Variants in TACC1 observed in about 807,000 individuals in gnomAD.
The protein encoded by TACC1 is transforming acidic coiled-coil-containing protein 1.
In TACC1, 48 loss-of-function variants were observed where a neutral mutation model predicts 84.4. The ratio of observed to expected loss-of-function variants is 0.57; its 90% confidence interval spans 0.45 to 0.72. TACC1 has a LOEUF of 0.72. Ranked by LOEUF, TACC1 falls within the 30% of genes least tolerant of loss-of-function variation. The pLI is 0.00. For synonymous variants in TACC1, 372 were observed against 376.3 expected (o/e 0.99, Z 0.13); for missense variants, 920 against 973.0 (o/e 0.95, Z 0.72).
chr8:38,816,685 G>A (rs1178691986), intron 2 of TACC1, among the ~76,000 whole-genome samples: 1 of 152,150 alleles, frequency 6.6e-6, no homozygotes, highest in Admixed American at 6.5e-5. Flanking sequence ...CATAGGGCAA[G>A]GTATCCCCAT....
At chr8:38,796,307 T>C (rs1392908502) in intron 2 of TACC1, among the ~76,000 whole-genome samples, 1 of 152,244 alleles carries the variant, frequency 6.6e-6, no homozygotes, top group Non-Finnish European at 1.5e-5. Flanking sequence ...GAACATATTA[T>C]ACAGCTTTTC....
At chr8:38,786,591 A>G (rs896948930), upstream of TACC1, among the ~76,000 whole-genome samples, 1 of 152,158 alleles carries the variant, frequency 6.6e-6, no homozygotes, top group South Asian at 2.1e-4. Context: ...GTAATCTCAC[A>G]GGGAATTTAG....
At chr8:38,821,021 C>T (rs965088506) in intron 3 of TACC1, among the ~76,000 whole-genome samples, 1 of 152,066 alleles carries the variant, frequency 6.6e-6, no homozygotes, top group African/African-American at 2.4e-5. Flanking sequence ...GTCTGACCAA[C>T]ATGGTGAAAC....
At chr8:38,755,282 T>A (rs1809791321) in intron 3 of TACC1, among the ~76,000 whole-genome samples, 1 of 152,092 alleles carries the variant, frequency 6.6e-6, no homozygotes, top group Non-Finnish European at 1.5e-5. Flanking sequence ...GCTTCAAGAA[T>A]GAAGTTAATG....
intron 2 of TACC1, among the ~76,000 whole-genome samples, chr8:38,743,349 A>G (rs1277475470): frequency 6.6e-6 from 1 of 152,362 alleles, no homozygotes; most frequent in East Asian, 1.9e-4. Context: ...TTGAGGAGGA[A>G]GAGAAAGGAA....
chr8:38,836,752 T>A (rs999619133), intron 7 of TACC1, among the ~76,000 whole-genome samples: 1 of 152,202 alleles, frequency 6.6e-6, no homozygotes, highest in African/African-American at 2.4e-5. Context: ...TCAAAATAGA[T>A]CACTGCTAGG....
At chr8:38,809,499 G>A (rs1823567024) in intron 2 of TACC1, among the ~76,000 whole-genome samples, 2 of 152,112 alleles carry the variant, frequency 1.3e-5, no homozygotes, top group Admixed American at 1.3e-4. Context: ...ACCCCCTTTT[G>A]AGAATCTCAG....
intron 2 of TACC1, among the ~76,000 whole-genome samples, chr8:38,798,606 CGTGTGTGTGTGT>C (rs10631964): frequency 5.6e-5 from 8 of 143,394 alleles, no homozygotes; most frequent in African/African-American, 1.8e-4. Context: ...CTGGGTTCTG[CGTGTGTGTGTGT>C]GTGTGTGTGT....
intron 11 of TACC1, among the ~76,000 whole-genome samples, chr8:38,844,205 C>T (rs140905761): frequency 5.1e-4 from 78 of 152,144 alleles, no homozygotes; most frequent in African/African-American, 1.8e-3. Context: ...CGGAGTTTCT[C>T]TCTGTCACCC....
intron 2 of TACC1, among the ~76,000 whole-genome samples, chr8:38,811,743 A>G (rs752761970): frequency 6.6e-6 from 1 of 152,246 alleles, no homozygotes; most frequent in Non-Finnish European, 1.5e-5. Flanking sequence ...GTGTTTAAAC[A>G]ATATGAAATC....
At chr8:38,757,739 C>G (rs1810392424) in intron 3 of TACC1, among the ~76,000 whole-genome samples, 1 of 152,122 alleles carries the variant, frequency 6.6e-6, no homozygotes, top group Admixed American at 6.5e-5. Flanking sequence ...AGCTCTGAAA[C>G]ATTCACAAGA....
intron 8 of TACC1, chr8:38,839,368 A>C (rs1563942178): frequency 1.3e-5 from 5 of 395,030 alleles, no homozygotes. Context: ...AGATGAAATC[A>C]AAGTAGAGAA....
chr8:38,778,334 C>A (rs746074732), intron 3 of TACC1, among the ~76,000 whole-genome samples: 4 of 151,772 alleles, frequency 2.6e-5, no homozygotes, highest in African/African-American at 7.3e-5. Context: ...AGGAACAGAG[C>A]CATGAATTAT....
At chr8:38,765,873 T>C (rs1035755876) in intron 3 of TACC1, among the ~76,000 whole-genome samples, 1 of 144,566 alleles carries the variant, frequency 6.9e-6, no homozygotes, top group African/African-American at 2.4e-5. Flanking sequence ...GCTTTTCTCA[T>C]AGATTTTTTT....
At chr8:38,839,216 C>T (rs1445124178) in intron 8 of TACC1, 1 of 377,572 alleles carries the variant, frequency 2.6e-6, no homozygotes, top group East Asian at 3.7e-5. Flanking sequence ...ATTAATTATG[C>T]ATGAGAGTTT....
chr8:38,787,636 G>T lies in TACC1; in HGVS notation c.54G>T (p.Thr18=). 6.5e-7 allele frequency: 1 copy of T among 1,549,126 alleles called. No homozygotes were observed. Among genetic ancestry groups the T allele is most frequent in the Non-Finnish European group, 8.7e-7 (1 of 1,146,856 alleles). ...CCCCCGTGCAGTGGGCGAAATGGAC[G>T]TGGTCTGCGGTACGCGGCGGGGCCG... ...ILSPVQWAKW[T]WSAVRGGAAG... is the part of the protein sequence containing the mutation. Residue 18 remains threonine, a synonymous_variant, in exon 1 of 13, where the codon ACG becomes ACT. Coordinates refer to ENST00000317827, the MANE Select transcript of TACC1 (RefSeq NM_006283.3).
chr8:38,785,030 T>C (rs1399798302), upstream of TACC1, among the ~76,000 whole-genome samples: 2 of 148,748 alleles, frequency 1.3e-5, no homozygotes, highest in Non-Finnish European at 3.0e-5. Flanking sequence ...GTTCGGGGTA[T>C]AGAAATGATA....
Position 38,787,591 on chromosome 8 carries a change from C to T in TACC1, c.9C>T (p.Phe3=). 2.8e-5 allele frequency: 43 copies of T among 1,541,338 alleles called. No homozygotes were observed. The highest frequency in any genetic ancestry group is 3.6e-5 in the Non-Finnish European group (41 of 1,142,468). ...CCGGAGGAGCCGCGCTCATGGCGTT[C>T]AGCCCGTGGCAGATCCTGTCCCCCG... MA[F]SPWQILSPVQ... The change falls in exon 1 of 13, where the codon TTC becomes TTT. Residue 3 remains phenylalanine, a synonymous_variant. Transcript: ENST00000317827.
chr8:38,756,249 T>C (rs553754550), intron 3 of TACC1, among the ~76,000 whole-genome samples: 1 of 152,176 alleles, frequency 6.6e-6, no homozygotes, highest in Admixed American at 6.5e-5. Flanking sequence ...GAGCGCCCAC[T>C]GTGTGCCAAG....
Sources: allele counts gnomAD v4.1 joint callset (sites outside exome capture counted in the v4.1 genomes callset), GRCh38; gene constraint gnomAD v4.1.1; transcripts MANE v1.5; gene names NCBI Gene and HGNC (gene_info 2026-07-23, HGNC 2026-07-21).